The following NELFA variants were observed in gnomAD, a reference collection of about 807,000 sequenced individuals.
NELFA encodes negative elongation factor complex member A, also known as negative elongation factor A.
A neutral mutation model predicts 51.8 loss-of-function variants in NELFA; 35 were observed. The observed-to-expected ratio is 0.68, with a 90% CI of 0.52 to 0.90. The LOEUF (loss-of-function observed/expected upper bound fraction) is 0.90, where lower values mean the gene tolerates loss of function less well. NELFA is among the 40% of genes least tolerant of loss of function. The pLI is 0.00. For synonymous variants in NELFA, 417 were observed against 338.4 expected (o/e 1.23, Z -2.55); for missense variants, 658 against 746.4 (o/e 0.88, Z 1.38).
In NELFA at chr4:1,993,171, A is replaced by T. The variant is rs150969078; in HGVS notation, c.211-1456T>A. On this transcript the variant is annotated intron_variant, in intron 1 of 10. Coordinates refer to ENST00000382882, the MANE Select transcript of NELFA (RefSeq NM_005663.5). ...GCATTTTATAAAAATGGTAAGGATAAAAAAAGTCGGGGATGTTAATTTAAA... is the reference window on the plus strand; with the variant it reads ...GCATTTTATAAAAATGGTAAGGATATAAAAAGTCGGGGATGTTAATTTAAA... 8.7e-4 allele frequency among the ~76,000 whole-genome samples: 133 copies of T among 152,370 alleles called. 2 individuals carry two copies. The East Asian group carries it at 0.024, about 27-fold the overall frequency.
intron 1 of NELFA, among the ~76,000 whole-genome samples, chr4:1,992,820 T>C (rs1055242586): frequency 5.3e-5 from 8 of 152,162 alleles, no homozygotes; most frequent in Admixed American, 5.2e-4. Flanking sequence ...CAGGGGAGCC[T>C]GCCTGCTGCC....
intron 1 of NELFA, among the ~76,000 whole-genome samples, chr4:1,993,578 C>CA (rs113717027): frequency 0.023 from 2,488 of 109,778 alleles, 42 homozygotes; most frequent in African/African-American, 0.059. Context: ...AACTCCATCT[C>CA]AAAAAAAAAA....
Position 1,991,682 on chromosome 4 carries a change from C to T in NELFA, c.244G>A (p.Ala82Thr), listed in dbSNP as rs1018787585. The change falls in exon 2 of 11, where the codon GCC (alanine) becomes ACC (threonine). Residue 82 changes from alanine (A) to threonine (T), a missense_variant. Transcript: ENST00000382882. ...KGALMEIIQL[A>T]SLDSDPWVLM... ...ACCCAGGGGTCCGAGTCGAGGCTGGCGAGCTGGATGATCTCCATTAGGGCG... is the reference window on the plus strand; with the variant it reads ...ACCCAGGGGTCCGAGTCGAGGCTGGTGAGCTGGATGATCTCCATTAGGGCG... The T allele has an allele frequency of 1.2e-6, 2 of 1,611,480 alleles. No homozygotes were observed. Among genetic ancestry groups the T allele is most frequent in the Non-Finnish European group, 1.7e-6 (2 of 1,179,060 alleles).
chr4:1,986,541 C>G, intron 4 of NELFA, 139 bp from the exon 5 acceptor site: 1 of 1,348,996 alleles, frequency 7.4e-7, no homozygotes, highest in South Asian at 1.4e-5. Context: ...GCGGGCAGGA[C>G]CCCCAGGATC....
In NELFA at chr4:1,986,383, C is replaced by T. The variant is rs776785724; in HGVS notation, c.654G>A (p.Pro218=). The T allele has an allele frequency of 7.4e-6, 12 of 1,611,710 alleles. No individual in the cohort carries two copies. Among genetic ancestry groups the T allele is most frequent in the South Asian group, 3.3e-5 (3 of 90,640 alleles). Residue 218 remains proline (P), a synonymous_variant, in exon 5 of 11, where the codon CCG becomes CCA. Coordinates refer to ENST00000382882, the MANE Select transcript of NELFA (RefSeq NM_005663.5). ...TGGGGCTTCTGAAGGGCGCCTGCTT[C>T]GGGATGCCTTTGAGTGGGGCTGGAG... ...MDTTTPLKGI[P]KQAPFRSPTA... is the part of the protein sequence containing the mutation.
At chr4:1,996,691 G>A (rs1453802329) in intron 1 of NELFA, among the ~76,000 whole-genome samples, 1 of 152,214 alleles carries the variant, frequency 6.6e-6, no homozygotes, top group African/African-American at 2.4e-5. Flanking sequence ...CAGCAATTTG[G>A]TCAACCAAGG....
At chr4:1,986,463 A>T in intron 4 of NELFA, 61 bp from the exon 5 acceptor site, 1 of 1,601,948 alleles carries the variant, frequency 6.2e-7, no homozygotes, top group Non-Finnish European at 8.5e-7. Context: ...CCCCACCCCG[A>T]GCTCAGAACG....
chr4:1,999,363 G>A (rs571257451), intron 1 of NELFA, among the ~76,000 whole-genome samples: 1 of 151,980 alleles, frequency 6.6e-6, no homozygotes, highest in East Asian at 1.9e-4. Flanking sequence ...ATTGGATAAG[G>A]AGTCAAGACC....
In NELFA at chr4:1,986,261, G is replaced by A. The variant is rs942872825; in HGVS notation, c.765+11C>T. 9 of 1,574,442 alleles carry A rather than the reference G, an allele frequency of 5.7e-6. No individual in the cohort carries two copies. The highest frequency in any genetic ancestry group is 3.3e-4 in the Middle Eastern group (2 of 6,008). On this transcript the variant is annotated intron_variant, in intron 5 of 10. Coordinates refer to ENST00000382882, the MANE Select transcript of NELFA (RefSeq NM_005663.5). The stretch of plus-strand genomic sequence containing the variant: ...CCCCGGGGTGCCACAGGAGCTGGGG[G>A]ACGGGCCTACCTTCACACCTCGTTC...
chr4:1,990,061 G>T (rs1040397966), intron 2 of NELFA, 192 bp from the exon 3 acceptor site: 3 of 634,768 alleles, frequency 4.7e-6, no homozygotes, highest in Non-Finnish European at 8.1e-6. Flanking sequence ...TTGCAGAACA[G>T]GAATGCCTGA....
chr4:2,004,809 CTT>C (rs760686190), intron 1 of NELFA, among the ~76,000 whole-genome samples: 59 of 119,426 alleles, frequency 4.9e-4, no homozygotes, highest in Admixed American at 5.1e-4. Flanking sequence ...TTTAATAAAG[CTT>C]TTTTTTTTTT....
chr4:2,002,132 G>A (rs231196), intron 1 of NELFA, among the ~76,000 whole-genome samples: 37,498 of 151,492 alleles, frequency 0.25, 4,732 homozygotes, highest in East Asian at 0.3. Context: ...CCCGGGAGGC[G>A]GAGCTTGCAA....
chr4:1,988,146 G>T, intron 3 of NELFA, 139 bp from the exon 4 acceptor site: 2 of 694,384 alleles, frequency 2.9e-6, no homozygotes, highest in Non-Finnish European at 4.7e-6. Flanking sequence ...CAGCTGTTCC[G>T]AGCCGGGCCT....
At chr4:1,986,996 G>T (rs920444020) in intron 4 of NELFA, among the ~76,000 whole-genome samples, 2 of 152,150 alleles carry the variant, frequency 1.3e-5, no homozygotes, top group Non-Finnish European at 2.9e-5. Context: ...GCCTGGTGGG[G>T]GTGGAAAGAC....
At position 1,996,888 on chromosome 4, in the gene NELFA, C is replaced by T. The variant is rs147053658; in HGVS notation, c.211-5173G>A. Among the ~76,000 whole-genome samples, 147 of 152,242 alleles carry T rather than the reference C, an allele frequency of 9.7e-4. 8 individuals are homozygous for T. The East Asian group carries it at 0.023, about 24-fold the overall frequency. On this transcript the variant is annotated intron_variant, in intron 1 of 10. Transcript: ENST00000382882. Reference sequence around the variant, plus strand: ...TGGAGGTTGCAGTGAGCCAAGATTGCACCATTGCACTCCAGCCTCGATGAC... The same window carrying T: ...TGGAGGTTGCAGTGAGCCAAGATTGTACCATTGCACTCCAGCCTCGATGAC...
intron 7 of NELFA, among the ~76,000 whole-genome samples, chr4:1,985,218 T>A (rs977876546): frequency 6.6e-6 from 1 of 152,168 alleles, no homozygotes. Flanking sequence ...AGCGTTGATA[T>A]AAAGGAAGAT....
At chr4:1,984,146 G>T in intron 8 of NELFA, 33 bp from the exon 9 acceptor site, 1 of 1,498,140 alleles carries the variant, frequency 6.7e-7, no homozygotes, top group Non-Finnish European at 8.8e-7. Context: ...TGAGGGGGCT[G>T]GACCCCCACC....
At chr4:1,986,774 C>CCT (rs71167766) in intron 4 of NELFA, among the ~76,000 whole-genome samples, 150,857 of 152,282 alleles carry the variant, frequency 0.99, 74,731 homozygotes, top group Non-Finnish European at 1. Flanking sequence ...GCCTTCTCCC[C>CCT]GTCCCCTGAG....
rs1172731085 is a variant in NELFA, at chr4:1,989,718, C to G, written c.534G>C (p.Leu178=). Residue 178 remains leucine, a synonymous_variant, in exon 3 of 11, where the codon CTG becomes CTC. Transcript: ENST00000382882. This position sits in a 1 kb window ranked among gnomAD's most constrained non-coding sequence, Gnocchi z 4.8. The stretch of plus-strand genomic sequence containing the variant: ...GCCGCGGCCACTCACACTTCTGCAG[C>G]AGCTCCGCCCGCAGCGTGGCGCTCT... ...KPKSATLRAE[L]LQKSTETAQQ... 6.2e-7 allele frequency: 1 copy of G among 1,613,494 alleles called. No individual in the cohort carries two copies. The highest frequency in any genetic ancestry group is 2.2e-5 in the East Asian group (1 of 44,886).
Sources: allele counts gnomAD v4.1 joint callset (sites outside exome capture counted in the v4.1 genomes callset), GRCh38; gene constraint gnomAD v4.1.1; non-coding constraint Gnocchi (gnomAD v3.1); transcripts MANE v1.5; gene names NCBI Gene and HGNC (gene_info 2026-07-23, HGNC 2026-07-21).